Variants in BMPR2 observed in about 807,000 individuals in gnomAD.
The protein encoded by BMPR2 is bone morphogenetic protein receptor type-2.
BMPR2 carries 29 observed loss-of-function variants against 100.8 expected under a neutral mutation model. That is an observed-to-expected ratio of 0.29 (90% CI 0.21 to 0.39). The LOEUF (loss-of-function observed/expected upper bound fraction) is 0.39. Ranked by LOEUF, BMPR2 falls within the 10% of genes least tolerant of loss-of-function variation. The probability of loss-of-function intolerance (pLI) is 1.00; values close to 1 mark genes in which losing one functional copy is unlikely to be tolerated. For missense variants in BMPR2, 1,011 were observed against 1,274.5 expected, an observed-to-expected ratio of 0.79 and a Z score of 3.15; for synonymous variants, 382 against 442.3, an observed-to-expected ratio of 0.86 and a Z score of 1.71.
chr2:202,419,391 C>G (rs1559032484), intron 1 of BMPR2, among the ~76,000 whole-genome samples: 1 of 152,038 alleles, frequency 6.6e-6, no homozygotes, highest in African/African-American at 2.4e-5. Context: ...GAGTCTTGCT[C>G]TGTCACTCAG....
chr2:202,387,483 A>G (rs1371457162), intron 1 of BMPR2, among the ~76,000 whole-genome samples: 1 of 152,220 alleles, frequency 6.6e-6, no homozygotes, highest in Non-Finnish European at 1.5e-5. Flanking sequence ...TATAATACAT[A>G]AAGTGTTAGT....
intron 1 of BMPR2, among the ~76,000 whole-genome samples, chr2:202,395,664 G>A (rs755396427): frequency 1.3e-5 from 2 of 152,192 alleles, no homozygotes; most frequent in Non-Finnish European, 2.9e-5. Flanking sequence ...AGCTGAATGC[G>A]GTGGCCCATG....
intron 3 of BMPR2, among the ~76,000 whole-genome samples, chr2:202,508,707 G>C (rs1279141389): frequency 6.6e-6 from 1 of 152,110 alleles, no homozygotes; most frequent in African/African-American, 2.4e-5. Context: ...TGGGCATTTG[G>C]AATTTGTATG....
chr2:202,562,482 T>G lies in BMPR2; in HGVS notation c.*2536T>G, dbSNP rs1688691981. The G allele has an allele frequency of 6.6e-6, 1 of 152,588 alleles. No homozygotes were observed. Among genetic ancestry groups the G allele is most frequent in the South Asian group, 2.1e-4 (1 of 4,830 alleles). 9.5% of individuals were successfully genotyped at this position (152,588 alleles called of 1,614,324 possible). On this transcript the variant is annotated 3_prime_UTR_variant, in exon 13 of 13. Transcript: ENST00000374580. The stretch of plus-strand genomic sequence containing the variant: ...TAAATTGTACATCAGACTTTTAAAA[T>G]CTGTAATATACAAGCAAGCAAAATT...
chr2:202,440,572 G>A lies in BMPR2; in HGVS notation c.77-24237G>A, dbSNP rs572980734. On this transcript the variant is annotated intron_variant, in intron 1 of 12. Transcript: ENST00000374580. Reference sequence around the variant, plus strand: ...TCACTTCCCAGACGGGGTGGCGGCCGGGCAGAGGCTGCAATCTCGGCACTT... The same window carrying A: ...TCACTTCCCAGACGGGGTGGCGGCCAGGCAGAGGCTGCAATCTCGGCACTT... Among the ~76,000 whole-genome samples the A allele has an allele frequency of 1.1e-3, 164 of 150,806 alleles. 1 individual carries two copies. Among genetic ancestry groups the A allele is most frequent in the Non-Finnish European group, 1.6e-3 (112 of 68,034 alleles).
At chr2:202,512,030 A>G (rs1687635098) in intron 3 of BMPR2, among the ~76,000 whole-genome samples, 1 of 151,848 alleles carries the variant, frequency 6.6e-6, no homozygotes, top group Admixed American at 6.6e-5. Context: ...AAAAAAAAAA[A>G]AGAAAGAAAG....
intron 2 of BMPR2, among the ~76,000 whole-genome samples, chr2:202,466,390 G>A (rs1371513929): frequency 1.3e-5 from 2 of 151,796 alleles, no homozygotes; most frequent in African/African-American, 4.8e-5. Flanking sequence ...GGGTTCAAGC[G>A]ATTCTCCTGC....
intron 3 of BMPR2, among the ~76,000 whole-genome samples, chr2:202,479,791 TAGTC>T (rs1692625062): frequency 6.6e-6 from 1 of 152,148 alleles, no homozygotes; most frequent in Non-Finnish European, 1.5e-5. Flanking sequence ...TTTTTGGTTA[TAGTC>T]ATCCTAATGT....
At chr2:202,382,058 G>GTTTTTTTT (rs1216592236) in intron 1 of BMPR2, among the ~76,000 whole-genome samples, 37 of 113,628 alleles carry the variant, frequency 3.3e-4, no homozygotes, top group South Asian at 5.9e-4. Flanking sequence ...TTTTGTTTTT[G>GTTTTTTTT]TTTTTTTTTT....
At chr2:202,463,400 CTTA>C (rs1471525621) in intron 1 of BMPR2, among the ~76,000 whole-genome samples, 2 of 152,080 alleles carry the variant, frequency 1.3e-5, no homozygotes, top group Admixed American at 6.6e-5. Flanking sequence ...TTTAAGTTTT[CTTA>C]TTATTGTTGG....
rs1435276886 is a variant in BMPR2 at position 202,556,177 on chromosome 2, A to G, written c.2512A>G (p.Ile838Val). ...AGTACTATCTGGCCAAACAACCAAC[A>G]TAGTGACACATAGGGCCCAAGAAAT... Reference protein sequence around the residue: ...GTVLSGQTTNIVTHRAQEMLQ... With the variant: ...GTVLSGQTTNVVTHRAQEMLQ... The change falls in exon 12 of 13, where the codon ATA (isoleucine) becomes GTA (valine). Residue 838 changes from isoleucine to valine, a missense_variant. Around this residue, in one of 6 missense-constraint regions of BMPR2, gnomAD observed 508 missense variants for 552.0 expected, o/e 0.92. Coordinates refer to ENST00000374580, the MANE Select transcript of BMPR2 (RefSeq NM_001204.7). The G allele has an allele frequency of 1.2e-6, 2 of 1,611,578 alleles. No homozygotes were observed. The highest frequency in any genetic ancestry group is 1.7e-6 in the Non-Finnish European group (2 of 1,177,976).
At chr2:202,412,792 C>T (rs1048644746) in intron 1 of BMPR2, among the ~76,000 whole-genome samples, 4 of 151,882 alleles carry the variant, frequency 2.6e-5, no homozygotes, top group African/African-American at 7.3e-5. Flanking sequence ...TTTTTTTGTG[C>T]AAACTGATTT....
At chr2:202,558,312 A>G (rs1414513871) in intron 12 of BMPR2, among the ~76,000 whole-genome samples, 2 of 148,442 alleles carry the variant, frequency 1.3e-5, no homozygotes, top group Non-Finnish European at 3.0e-5. Context: ...GGGTTTCGCC[A>G]TGTTGGCCAG....
chr2:202,511,567 C>T (rs895742530), intron 3 of BMPR2, among the ~76,000 whole-genome samples: 6 of 150,550 alleles, frequency 4.0e-5, no homozygotes, highest in Non-Finnish European at 5.9e-5. Context: ...TCCTTGCCAG[C>T]GCTTTTTATT....
At position 202,433,863 on chromosome 2, in the gene BMPR2, G is replaced by A. The variant is rs560961799; in HGVS notation, c.77-30946G>A. ...GCAAAGATTGCAGTGAGCCAAGATC[G>A]CACGACTACACTCCAGCCTGGCGAC... is the stretch of plus-strand genomic sequence containing the variant. On this transcript the variant is annotated intron_variant, in intron 1 of 12. Coordinates refer to ENST00000374580, the MANE Select transcript of BMPR2 (RefSeq NM_001204.7). Among the ~76,000 whole-genome samples, 221 of 150,280 alleles carry A rather than the reference G, an allele frequency of 1.5e-3. 25 individuals carry two copies. The highest frequency in any genetic ancestry group is 5.3e-3 in the African/African-American group (211 of 39,760).
intron 3 of BMPR2, among the ~76,000 whole-genome samples, chr2:202,472,891 C>G (rs993818898): frequency 5.3e-5 from 8 of 152,044 alleles, no homozygotes; most frequent in Non-Finnish European, 8.8e-5. Flanking sequence ...ATATTTTGTT[C>G]TTGAGACAAA....
intron 1 of BMPR2, among the ~76,000 whole-genome samples, chr2:202,412,482 C>A (rs552458807): frequency 6.6e-6 from 1 of 152,040 alleles, no homozygotes; most frequent in African/African-American, 2.4e-5. Flanking sequence ...CCATGCCCTG[C>A]TAATTTTTTT....
chr2:202,380,939 G>A (rs1690272965), intron 1 of BMPR2, among the ~76,000 whole-genome samples: 1 of 121,570 alleles, frequency 8.2e-6, no homozygotes, highest in African/African-American at 2.9e-5. Flanking sequence ...CCCTGGCCCT[G>A]GCCCTGGCCC....
At chr2:202,395,765 G>A (rs1383580841) in intron 1 of BMPR2, among the ~76,000 whole-genome samples, 2 of 151,940 alleles carry the variant, frequency 1.3e-5, no homozygotes, top group African/African-American at 2.4e-5. Flanking sequence ...ACAAAACCCC[G>A]GCTCTACTAA....
Sources: gnomAD v4.1 joint callset for allele counts (sites outside exome capture counted in the v4.1 genomes callset) on GRCh38, gnomAD v4.1.1 for gene constraint, gnomAD v4.1.1 regional missense constraint, MANE v1.5 for transcripts, NCBI Gene and HGNC (gene_info 2026-07-23, HGNC 2026-07-21) for gene names.